Variants in MYOC observed in about 807,000 individuals in gnomAD.
The protein encoded by MYOC is myocilin, also known as juvenile-onset open-angle glaucoma 1.
Under a neutral mutation model 28.2 loss-of-function variants are expected in MYOC, and 29 were observed. The ratio of observed to expected loss-of-function variants is 1.03; its 90% CI spans 0.77 to 1.40. MYOC has a LOEUF of 1.40. Ranked by LOEUF, MYOC falls within the 40% of genes most tolerant of loss-of-function variation. The pLI is 0.00. For missense variants in MYOC, 569 were observed against 620.6 expected (o/e 0.92, Z 0.88); for synonymous variants, 240 against 245.6 (o/e 0.98, Z 0.21).
chr1:171,648,385 G>C (rs116662210), intron 1 of MYOC, among the ~76,000 whole-genome samples: 3,441 of 152,112 alleles, frequency 0.023, 61 homozygotes, highest in Middle Eastern at 0.065. Flanking sequence ...GCCCACTGTG[G>C]TGACTAGCTG....
In MYOC at chr1:171,638,736, AAG is replaced by A. The variant is rs1558086626; in HGVS notation, c.605-16_605-15del. ...TCCACGTAGAAACTGCATTAAAAGAAAGAGACAAAATTTTACTGTAAGAAAAA... is the reference window on the plus strand; with the variant it reads ...TCCACGTAGAAACTGCATTAAAAGAAAGACAAAATTTTACTGTAAGAAAAA... On this transcript the variant is annotated splice_polypyrimidine_tract_variant and intron_variant, in intron 1 of 2. Transcript: ENST00000037502. 1 of 1,613,782 alleles carries A rather than the reference AAG, an allele frequency of 6.2e-7. No homozygotes were observed.
chr1:171,638,881 G>A lies in MYOC; in HGVS notation c.605-159C>T, dbSNP rs1450575274. 29 of 688,584 alleles carry A rather than the reference G, an allele frequency of 4.2e-5. No homozygotes were observed. The East Asian group carries it at 8.8e-4, about 21-fold the overall frequency. The allele number at this position is 688,584 out of a possible 1,614,324, so 42.7% of individuals were successfully genotyped here. On this transcript the variant is annotated intron_variant, in intron 1 of 2. Transcript: ENST00000037502. ...GGCCGAGGCAGGCGGATCACCTGAG[G>A]TCAGGAGTTCGAGACCAGCCTGGCC...
chr1:171,652,646 C>G lies in MYOC; in HGVS notation c.-35G>C. 6.2e-7 allele frequency: 1 copy of G among 1,612,818 alleles called. No individual in the cohort carries two copies. The highest frequency in any genetic ancestry group is 8.5e-7 in the Non-Finnish European group (1 of 1,179,954). On this transcript the variant is annotated 5_prime_UTR_variant, in exon 1 of 3. Coordinates refer to ENST00000037502, the MANE Select transcript of MYOC (RefSeq NM_000261.2). ...TTGGTGAGGCTTCCTCTGGAAAGCT[C>G]TGCTGTGCTGAGAGGTGCCTGGATG... is the stretch of plus-strand genomic sequence containing the variant.
chr1:171,651,966 A>G, intron 1 of MYOC, 42 bp downstream of exon 1: 3 of 1,613,920 alleles, frequency 1.9e-6, no homozygotes, highest in Non-Finnish European at 1.7e-6. Flanking sequence ...TACGAGCCAT[A>G]TCACCTGCTG....
intron 1 of MYOC, among the ~76,000 whole-genome samples, chr1:171,645,380 T>G (rs1280080196): frequency 6.6e-6 from 1 of 152,102 alleles, no homozygotes; most frequent in Non-Finnish European, 1.5e-5. Context: ...CGTTGCAGGT[T>G]GCCCTCCTCA....
intron 1 of MYOC, among the ~76,000 whole-genome samples, chr1:171,639,987 T>C (rs1045195143): frequency 7.7e-6 from 1 of 129,816 alleles, no homozygotes; most frequent in Non-Finnish European, 1.6e-5. Flanking sequence ...GTGTGGCTCA[T>C]GTCTGTAATC....
intron 1 of MYOC, among the ~76,000 whole-genome samples, chr1:171,647,577 A>C (rs2102949264): frequency 6.6e-6 from 1 of 152,298 alleles, no homozygotes; most frequent in Admixed American, 6.5e-5. Context: ...AAGTAAAATA[A>C]GCCTTTCTAG....
At chr1:171,648,171 A>G (rs1242924938) in intron 1 of MYOC, among the ~76,000 whole-genome samples, 1 of 140,196 alleles carries the variant, frequency 7.1e-6, no homozygotes, top group Non-Finnish European at 1.5e-5. Context: ...CCTGGGGGAC[A>G]GAGAAAGACT....
chr1:171,637,378 AT>A (rs1652950018), intron 2 of MYOC, among the ~76,000 whole-genome samples: 2 of 152,100 alleles, frequency 1.3e-5, no homozygotes, highest in African/African-American at 2.4e-5. Context: ...GAAAATAATT[AT>A]TTTTTGAGAC....
rs1022717950 is a variant in MYOC at position 171,637,444 on chromosome 1, G to C, written c.731-735C>G. 1.3e-3 allele frequency among the ~76,000 whole-genome samples: 191 copies of C among 152,240 alleles called. 1 individual carries two copies. Among genetic ancestry groups the C allele is most frequent in the African/African-American group, 4.1e-3 (170 of 41,536 alleles). ...TGCAGTGGTGCAATCACAGTGCACT[G>C]CAGCCTCGACCTTCCAGGCTCAAGC... On this transcript the variant is annotated intron_variant, in intron 2 of 2. Coordinates refer to ENST00000037502, the MANE Select transcript of MYOC (RefSeq NM_000261.2).
chr1:171,643,868 G>A (rs1653136694), intron 1 of MYOC, among the ~76,000 whole-genome samples: 2 of 151,608 alleles, frequency 1.3e-5, no homozygotes. Flanking sequence ...CAACTAGGGA[G>A]GCTAAGTCAG....
At chr1:171,637,703 C>A (rs1278597966) in intron 2 of MYOC, among the ~76,000 whole-genome samples, 1 of 150,782 alleles carries the variant, frequency 6.6e-6, no homozygotes, top group Admixed American at 6.6e-5. Flanking sequence ...ACCTCTGCCT[C>A]CTGGGTTCAA....
chr1:171,640,806 G>A lies in MYOC; in HGVS notation c.605-2084C>T, dbSNP rs549526685. 4.6e-5 allele frequency among the ~76,000 whole-genome samples: 7 copies of A among 152,288 alleles called. No homozygotes were observed. In the East Asian group the frequency reaches 1.3e-3, roughly 29 times the overall value. Reference sequence around the variant, plus strand: ...AAATGCAGGTTTGATGATTATTCAGGTGTGGCAAGGCCAACATCCCAGGAG... The same window carrying A: ...AAATGCAGGTTTGATGATTATTCAGATGTGGCAAGGCCAACATCCCAGGAG... On this transcript the variant is annotated intron_variant, in intron 1 of 2. Coordinates refer to ENST00000037502, the MANE Select transcript of MYOC (RefSeq NM_000261.2).
chr1:171,642,262 T>G (rs988502838), intron 1 of MYOC, among the ~76,000 whole-genome samples: 3 of 152,120 alleles, frequency 2.0e-5, no homozygotes, highest in Admixed American at 1.3e-4. Flanking sequence ...TGGAGGTGGG[T>G]GGGTCCTCCA....
intron 1 of MYOC, among the ~76,000 whole-genome samples, chr1:171,639,542 G>A (rs1227284001): frequency 1.3e-5 from 2 of 151,658 alleles, no homozygotes; most frequent in Non-Finnish European, 2.9e-5. Flanking sequence ...GTACTTGGGA[G>A]GCTGATGTGG....
intron 1 of MYOC, among the ~76,000 whole-genome samples, chr1:171,639,274 T>C (rs1653015540): frequency 6.6e-6 from 1 of 152,180 alleles, no homozygotes; most frequent in Non-Finnish European, 1.5e-5. Context: ...GTCTCTCTAC[T>C]TTTGTGAATA....
intron 1 of MYOC, among the ~76,000 whole-genome samples, chr1:171,641,147 C>A (rs1160726926): frequency 1.3e-5 from 2 of 151,928 alleles, no homozygotes; most frequent in African/African-American, 4.8e-5. Flanking sequence ...GTGTGGGGGC[C>A]AGTAGTATCT....
chr1:171,636,812 G>T, intron 2 of MYOC, 103 bp from the exon 3 acceptor site: 1 of 1,265,302 alleles, frequency 7.9e-7, no homozygotes, highest in Non-Finnish European at 1.1e-6. Context: ...AGATGTGACA[G>T]CCCTGGAGAC....
chr1:171,650,452 A>T (rs1367712739), intron 1 of MYOC, among the ~76,000 whole-genome samples: 1 of 152,206 alleles, frequency 6.6e-6, no homozygotes, highest in Non-Finnish European at 1.5e-5. Context: ...TAATTCTAAC[A>T]ATCTAAACAT....
Sources: allele counts gnomAD v4.1 joint callset (sites outside exome capture counted in the v4.1 genomes callset), GRCh38; gene constraint gnomAD v4.1.1; transcripts MANE v1.5; gene names NCBI Gene and HGNC (gene_info 2026-07-23, HGNC 2026-07-21).